Variants in NIPSNAP1 observed in about 807,000 individuals in gnomAD.
The protein encoded by NIPSNAP1 is protein NipSnap homolog 1.
NIPSNAP1 carries 25 observed loss-of-function variants against 49.2 expected under a neutral mutation model. The ratio of observed to expected loss-of-function variants is 0.51; its 90% CI spans 0.37 to 0.71. The LOEUF is 0.71. Ranked by LOEUF, NIPSNAP1 falls within the 30% of genes least tolerant of loss-of-function variation. The pLI is 0.00. For missense variants in NIPSNAP1, 294 were observed against 361.0 expected (o/e 0.81, Z 1.50); for synonymous variants, 143 against 140.7 (o/e 1.02, Z -0.12).
chr22:29,569,213 T>C lies in NIPSNAP1; in HGVS notation c.347A>G (p.Tyr116Cys). Residue 116 changes from tyrosine to cysteine, a missense_variant, in exon 4 of 10, where the codon TAT (tyrosine) becomes TGT (cysteine). Physicochemically the swap from Tyr to Cys is radical, Grantham distance 194. This residue lies in a region of NIPSNAP1 where 146 missense variants were observed against 219.9 expected (regional missense o/e 0.66). Coordinates refer to ENST00000216121, the MANE Select transcript of NIPSNAP1 (RefSeq NM_003634.4). ...CSLVGNWNTWYGEQDQAVHLW... is the reference protein window; with the variant it reads ...CSLVGNWNTWCGEQDQAVHLW... ...CTTACCTGCCTGGTCCTGCTCCCCA[T>C]ACCACGTGTTCCAGTTGCCCACGAG... is the stretch of plus-strand genomic sequence containing the variant. 1.9e-6 allele frequency: 3 copies of C among 1,614,026 alleles called. No individual in the cohort carries two copies. Among genetic ancestry groups the C allele is most frequent in the Non-Finnish European group, 2.5e-6 (3 of 1,179,944 alleles).
intron 9 of NIPSNAP1, among the ~76,000 whole-genome samples, chr22:29,556,578 T>C (rs2064296164): frequency 6.6e-6 from 1 of 151,984 alleles, no homozygotes; most frequent in Non-Finnish European, 1.5e-5. Context: ...GTTTTACAGA[T>C]AGAGAGGGTG....
At chr22:29,563,620 C>A (rs1188081515) in intron 4 of NIPSNAP1, among the ~76,000 whole-genome samples, 3 of 152,042 alleles carry the variant, frequency 2.0e-5, no homozygotes, top group Non-Finnish European at 4.4e-5. Flanking sequence ...CCACCCAGAA[C>A]CTCAGAATGT....
At chr22:29,572,615 G>A (rs2064418087) in intron 1 of NIPSNAP1, among the ~76,000 whole-genome samples, 1 of 151,892 alleles carries the variant, frequency 6.6e-6, no homozygotes, top group Admixed American at 6.6e-5. Flanking sequence ...CAAGCCTGGG[G>A]AAACTTGTGA....
intron 4 of NIPSNAP1, among the ~76,000 whole-genome samples, chr22:29,565,997 G>T (rs467768): frequency 0.11 from 16,312 of 152,118 alleles, 1,128 homozygotes; most frequent in South Asian, 0.16. Flanking sequence ...AGTGTTCAAG[G>T]GAAGTTTAGA....
In NIPSNAP1 at chr22:29,581,025, C is replaced by G; in HGVS notation, c.58G>C (p.Gly20Arg). The change falls in exon 1 of 10, where the codon GGG (glycine) becomes CGG (arginine). Residue 20 changes from glycine to arginine, a missense_variant. This residue lies in a region of NIPSNAP1 where 88 missense variants were observed against 76.1 expected (regional missense o/e 1.16). Transcript: ENST00000216121. ...VTARRLLGGP[G>R]PRAGDVASAA... ...GACGCAACGTCCCCAGCGCGAGGCC[C>G]CGGGCCCCCCAGCAGCCGCCGCGCC... 3 of 1,537,170 alleles carry G rather than the reference C, an allele frequency of 2.0e-6. No individual in the cohort carries two copies. Among genetic ancestry groups the G allele is most frequent in the South Asian group, 1.2e-5 (1 of 83,734 alleles).
chr22:29,575,360 G>A (rs1276142316), intron 1 of NIPSNAP1, among the ~76,000 whole-genome samples: 17 of 152,002 alleles, frequency 1.1e-4, no homozygotes, highest in African/African-American at 3.6e-4. Flanking sequence ...CCTGCCTGTG[G>A]GCCTCAGTTT....
In NIPSNAP1 at chr22:29,579,515, C is replaced by T. The variant is rs1051485550; in HGVS notation, c.98+1470G>A. On this transcript the variant is annotated intron_variant, in intron 1 of 9. Coordinates refer to ENST00000216121, the MANE Select transcript of NIPSNAP1 (RefSeq NM_003634.4). ...GTTTCACCGTGTTAGCCAGGATGGT[C>T]TCGATCTCCTGACCTCGTGATCCAC... Among the ~76,000 whole-genome samples, 6 of 152,082 alleles carry T rather than the reference C, an allele frequency of 3.9e-5. No individual in the cohort carries two copies. In the East Asian group the frequency reaches 9.7e-4, roughly 25 times the overall value.
At chr22:29,574,283 A>AAG (rs1555973585) in intron 1 of NIPSNAP1, among the ~76,000 whole-genome samples, 2 of 111,206 alleles carry the variant, frequency 1.8e-5, no homozygotes, top group African/African-American at 8.9e-5. Flanking sequence ...AAAAAAAAAA[A>AAG]AAAAAAAAAG....
intron 1 of NIPSNAP1, among the ~76,000 whole-genome samples, chr22:29,572,993 C>A (rs886965963): frequency 3.3e-5 from 5 of 150,064 alleles, no homozygotes; most frequent in African/African-American, 1.2e-4. Context: ...AAAAAAATTT[C>A]TTTTTAAAAA....
At chr22:29,564,126 A>T in intron 4 of NIPSNAP1, 1 of 299,492 alleles carries the variant, frequency 3.3e-6, no homozygotes, top group Non-Finnish European at 6.6e-6. Context: ...TCAGCGGAGG[A>T]AGGTCCCCAG....
chr22:29,557,487 G>T (rs944793728), intron 9 of NIPSNAP1, among the ~76,000 whole-genome samples: 1 of 151,768 alleles, frequency 6.6e-6, no homozygotes, highest in Non-Finnish European at 1.5e-5. Flanking sequence ...GAGTGCAATG[G>T]CACAATCATG....
At chr22:29,563,070 G>A (rs932018092) in intron 4 of NIPSNAP1, among the ~76,000 whole-genome samples, 2 of 149,756 alleles carry the variant, frequency 1.3e-5, no homozygotes, top group African/African-American at 4.9e-5. Flanking sequence ...CTGCACTCCA[G>A]CCTGGACAAC....
At chr22:29,578,996 A>G (rs2064475958) in intron 1 of NIPSNAP1, among the ~76,000 whole-genome samples, 1 of 151,276 alleles carries the variant, frequency 6.6e-6, no homozygotes, top group Non-Finnish European at 1.5e-5. Flanking sequence ...ACATGCAGAA[A>G]TTGCTTGAAA....
intron 1 of NIPSNAP1, among the ~76,000 whole-genome samples, chr22:29,570,853 A>T (rs2064403098): frequency 6.6e-6 from 1 of 151,160 alleles, no homozygotes; most frequent in Non-Finnish European, 1.5e-5. Flanking sequence ...GGGTCATATA[A>T]CTCCAGCCTC....
chr22:29,570,190 C>G lies in NIPSNAP1; in HGVS notation c.244G>C (p.Glu82Gln), dbSNP rs753863971. The change falls in exon 3 of 10, where the codon GAA becomes CAA. Residue 82 changes from glutamate (E) to glutamine (Q), a missense_variant. Glu to Gln is a conservative substitution (Grantham distance 29). Coordinates refer to ENST00000216121, the MANE Select transcript of NIPSNAP1 (RefSeq NM_003634.4). ...AGGCTGTTGTAGGCATCCAGGTATT[C>G]AGGCTTTACATTGTGAACTGCAACA... ...YKIQFHNVKP[E>Q]YLDAYNSLTE... The G allele has an allele frequency of 2.5e-6, 4 of 1,613,814 alleles. No individual in the cohort carries two copies. Among genetic ancestry groups the G allele is most frequent in the Non-Finnish European group, 3.4e-6 (4 of 1,180,012 alleles).
intron 1 of NIPSNAP1, among the ~76,000 whole-genome samples, chr22:29,571,770 CT>C (rs695673): frequency 0.21 from 31,795 of 151,812 alleles, 3,910 homozygotes; most frequent in East Asian, 0.59. Context: ...CCTTTCTTTT[CT>C]TTTTTTCTTT....
At chr22:29,578,730 A>C (rs2146620275) in intron 1 of NIPSNAP1, among the ~76,000 whole-genome samples, 1 of 151,416 alleles carries the variant, frequency 6.6e-6, no homozygotes, top group Non-Finnish European at 1.5e-5. Context: ...CGAAAACACC[A>C]ACATCCCCAC....
chr22:29,557,285 A>G (rs1404147228), intron 9 of NIPSNAP1, among the ~76,000 whole-genome samples: 1 of 151,592 alleles, frequency 6.6e-6, no homozygotes, highest in Admixed American at 6.6e-5. Flanking sequence ...TGCCTGGCTA[A>G]TTTTTTTTAT....
chr22:29,565,620 A>G (rs1232054901), intron 4 of NIPSNAP1, among the ~76,000 whole-genome samples: 1 of 152,206 alleles, frequency 6.6e-6, no homozygotes, highest in African/African-American at 2.4e-5. Flanking sequence ...GATCAAGTCA[A>G]GCTTAAAATG....
Sources: gnomAD v4.1 joint callset for allele counts (sites outside exome capture counted in the v4.1 genomes callset) on GRCh38, gnomAD v4.1.1 for gene constraint, gnomAD v4.1.1 regional missense constraint, MANE v1.5 for transcripts, NCBI Gene and HGNC (gene_info 2026-07-23, HGNC 2026-07-21) for gene names.